Variants in DNAH2 observed in about 807,000 individuals in gnomAD.
DNAH2 encodes dynein axonemal heavy chain 2.
DNAH2 carries 323 observed loss-of-function variants against 523.5 expected under a neutral mutation model. The ratio of observed to expected loss-of-function variants is 0.62; its 90% CI spans 0.56 to 0.68. DNAH2 has a LOEUF of 0.68. Among genes scored for constraint, DNAH2 ranks in the 30% least tolerant of loss-of-function variants. DNAH2 has a pLI of 0.00. For synonymous variants in DNAH2, 2,093 were observed against 2,177.4 expected (o/e 0.96, Z 1.08); for missense variants, 4,907 against 5,701.5 (o/e 0.86, Z 4.49).
At position 7,775,359 on chromosome 17, in the gene DNAH2, G is replaced by T. The variant is rs372713791; in HGVS notation, c.4821+17G>T. 2 of 1,600,726 alleles carry T rather than the reference G, an allele frequency of 1.2e-6. No homozygotes were observed. The highest frequency in any genetic ancestry group is 2.7e-5 in the African/African-American group (2 of 74,678). On this transcript the variant is annotated intron_variant, in intron 30 of 85. Coordinates refer to ENST00000572933, the MANE Select transcript of DNAH2 (RefSeq NM_020877.5). ...CCTGTGGAGGTGAGTTGTGGTGAGG[G>T]TCTGAGGACCTAGCTGATTCTTCTT...
chr17:7,789,559 C>A (rs1034941706), intron 44 of DNAH2, among the ~76,000 whole-genome samples: 3 of 150,578 alleles, frequency 2.0e-5, no homozygotes, highest in Non-Finnish European at 2.9e-5. Context: ...AATTTCCCAC[C>A]TATAGGATTG....
intron 11 of DNAH2, among the ~76,000 whole-genome samples, chr17:7,741,293 T>TCTTTCTTTCTTTCTTTCTTTCTTTCTTC (rs1555540783): frequency 1.1e-4 from 7 of 61,586 alleles, no homozygotes; most frequent in Admixed American, 1.9e-4. Flanking sequence ...TTTCTTTCTT[T>TCTTTCTTTCTTTCTTTCTTTCTTTCTTC]CTTCCTTCCT....
At chr17:7,761,591 TCTC>T (rs1313655656) in intron 18 of DNAH2, among the ~76,000 whole-genome samples, 1 of 151,752 alleles carries the variant, frequency 6.6e-6, no homozygotes, top group East Asian at 1.9e-4. Context: ...TTCAAGCAAT[TCTC>T]CTGCCTCAGC....
chr17:7,775,390 A>G, intron 30 of DNAH2, 48 bp downstream of exon 30: 1 of 1,560,514 alleles, frequency 6.4e-7, no homozygotes. Context: ...TTCTTCCTAC[A>G]GAAAGTTCAC....
intron 28 of DNAH2, among the ~76,000 whole-genome samples, chr17:7,772,409 C>T (rs182816265): frequency 2.1e-4 from 32 of 152,190 alleles, no homozygotes; most frequent in Admixed American, 2.6e-4. Flanking sequence ...AATTATATTC[C>T]GTAACAATTT....
chr17:7,798,163 G>A lies in DNAH2; in HGVS notation c.8237G>A (p.Arg2746Gln), dbSNP rs780857148. ...LFREAIEHIT[R>Q]IVRVIGQPRG... is the part of the protein sequence containing the mutation. Reference sequence around the variant, plus strand: ...ACACCCACCCCACCCCCAGTCACACGGATCGTGCGGGTCATTGGACAGCCT... The same window carrying A: ...ACACCCACCCCACCCCCAGTCACACAGATCGTGCGGGTCATTGGACAGCCT... Residue 2746 changes from arginine to glutamine, a missense_variant, in exon 54 of 86, where the codon CGG becomes CAG. By Grantham distance (43) the Arg-to-Gln change is conservative. Around this residue, in one of 3 missense-constraint regions of DNAH2, gnomAD observed 250 missense variants for 371.3 expected, o/e 0.67. Coordinates refer to ENST00000572933, the MANE Select transcript of DNAH2 (RefSeq NM_020877.5). The surrounding 1 kb of genome is among the most constrained non-coding windows in gnomAD (Gnocchi z 5.5). 13 of 1,591,194 alleles carry A rather than the reference G, an allele frequency of 8.2e-6. No individual in the cohort carries two copies. Among genetic ancestry groups the A allele is most frequent in the Admixed American group, 1.7e-5 (1 of 59,054 alleles).
intron 3 of DNAH2, 60 bp from the exon 4 acceptor site, chr17:7,727,062 G>A (rs1213105474): frequency 9.5e-6 from 14 of 1,473,438 alleles, no homozygotes; most frequent in African/African-American, 1.5e-5. Context: ...GATTGTGGAT[G>A]GGAGGAATGA....
chr17:7,796,774 G>A, intron 50 of DNAH2, 122 bp downstream of exon 50: 1 of 1,131,404 alleles, frequency 8.8e-7, no homozygotes, highest in Non-Finnish European at 1.2e-6. Context: ...ATGCTGAAGT[G>A]CCACACTCCC....
rs573106256 is a variant in DNAH2 at position 7,817,805 on chromosome 17, C to T, written c.10185C>T (p.Ile3395=). 7.8e-5 allele frequency: 126 copies of T among 1,614,002 alleles called. 1 individual carries two copies. The highest frequency in any genetic ancestry group is 5.8e-4 in the South Asian group (53 of 91,068). Residue 3395 remains isoleucine, a synonymous_variant, in exon 67 of 86, where the codon ATC becomes ATT. Transcript: ENST00000572933. ...CCCCTTCCAGGTGGGCACTGATGAT[C>T]GACCCTCAGGCCCAGGCCCTGAAAT... The part of the protein sequence containing the change: ...VTRGNRWALM[I]DPQAQALKWI...
intron 28 of DNAH2, 54 bp downstream of exon 28, chr17:7,771,522 G>A (rs1567673006): frequency 6.2e-7 from 1 of 1,601,862 alleles, no homozygotes; most frequent in Non-Finnish European, 8.5e-7. Flanking sequence ...ACTCTGCTTG[G>A]TCATGGTTGC....
rs35763487 is a variant in DNAH2, at chr17:7,752,167, A to ACT, written c.1905-4923_1905-4922insTC. On this transcript the variant is annotated intron_variant, in intron 12 of 85. Transcript: ENST00000572933. ...TTTCCCCTTAAGTCATTTTACACAC[A>ACT]CACACACACACACACACACACACAC... 2.8e-3 allele frequency among the ~76,000 whole-genome samples: 414 copies of ACT among 148,156 alleles called. 6 individuals are homozygous for ACT. Among genetic ancestry groups the ACT allele is most frequent in the African/African-American group, 8.4e-3 (338 of 40,040 alleles).
chr17:7,733,206 G>T lies in DNAH2; in HGVS notation c.519G>T (p.Arg173=). The T allele has an allele frequency of 1.9e-6, 3 of 1,614,218 alleles. No individual in the cohort carries two copies. The highest frequency in any genetic ancestry group is 2.5e-6 in the Non-Finnish European group (3 of 1,180,034). ...GCCCCTATATCCCGGCCCTGCTTCG[G>T]CTGCTCGGTGGAGTCTTTGCCCCTC... is the stretch of plus-strand genomic sequence containing the variant. ...VRGPYIPALL[R]LLGGVFAPQI... The change falls in exon 5 of 86, where the codon CGG becomes CGT. Residue 173 remains arginine, a synonymous_variant. Transcript: ENST00000572933.
intron 18 of DNAH2, 68 bp from the exon 19 acceptor site, chr17:7,763,763 C>A (rs2076073465): frequency 1.3e-6 from 2 of 1,583,812 alleles, no homozygotes; most frequent in East Asian, 4.5e-5. Context: ...GACCTGCAGC[C>A]CGTGTGGGGA....
Position 7,817,727 on chromosome 17 carries a change from C to A in DNAH2, c.10169+18C>A. 1 of 1,614,090 alleles carries A rather than the reference C, an allele frequency of 6.2e-7. No homozygotes were observed. Among genetic ancestry groups the A allele is most frequent in the Non-Finnish European group, 8.5e-7 (1 of 1,180,006 alleles). ...GGCAACAGGTGAGGGTGCTGCTGGG[C>A]GTGGGGGCGGTACGGGAGCATGGGA... On this transcript the variant is annotated intron_variant, in intron 66 of 85. Coordinates refer to ENST00000572933, the MANE Select transcript of DNAH2 (RefSeq NM_020877.5).
Position 7,818,455 on chromosome 17 carries a change from G to A in DNAH2, c.10531G>A (p.Glu3511Lys). 6.2e-7 allele frequency: 1 copy of A among 1,614,156 alleles called. No individual in the cohort carries two copies. The highest frequency in any genetic ancestry group is 8.5e-7 in the Non-Finnish European group (1 of 1,180,010). ...KTTIVNFAVK[E>K]QGLEAQLLGI... ...CACCATCGTCAACTTTGCTGTTAAAGAACAGGTGGGTACAGGCTGAGGTCC... is the reference window on the plus strand; with the variant it reads ...CACCATCGTCAACTTTGCTGTTAAAAAACAGGTGGGTACAGGCTGAGGTCC... Residue 3511 changes from glutamate (E) to lysine (K), a missense_variant, in exon 69 of 86, where the codon GAA becomes AAA. Glu to Lys is a moderately conservative substitution (Grantham distance 56, BLOSUM62 1). Around this residue, in one of 3 missense-constraint regions of DNAH2, gnomAD observed 1,851 missense variants for 2,139.4 expected, o/e 0.87. Coordinates refer to ENST00000572933, the MANE Select transcript of DNAH2 (RefSeq NM_020877.5).
chr17:7,800,685 T>C (rs1328745461), intron 56 of DNAH2, among the ~76,000 whole-genome samples: 4 of 149,946 alleles, frequency 2.7e-5, no homozygotes, highest in African/African-American at 9.8e-5. Flanking sequence ...GCTAACACGG[T>C]GAAACCCCGT....
chr17:7,743,446 G>T (rs772817301), intron 12 of DNAH2: 1 of 671,062 alleles, frequency 1.5e-6, no homozygotes, highest in South Asian at 1.6e-5. Flanking sequence ...TGGGCGCATC[G>T]CTTGAGCCCA....
intron 12 of DNAH2, among the ~76,000 whole-genome samples, chr17:7,744,830 G>A (rs181857495): frequency 1.3e-4 from 20 of 152,214 alleles, no homozygotes; most frequent in Admixed American, 7.9e-4. Context: ...TTCTCCCATC[G>A]AGCTGGGTAC....
intron 11 of DNAH2, among the ~76,000 whole-genome samples, chr17:7,741,303 T>TCCCTCCCTCCCTCCC (rs1567625077): frequency 1.3e-5 from 1 of 76,812 alleles, no homozygotes. Context: ...TCTTCCTTCC[T>TCCCTCCCTCCCTCCC]TCCCTCCCTC....
Sources: gnomAD v4.1 joint callset for allele counts (sites outside exome capture counted in the v4.1 genomes callset) on GRCh38, gnomAD v4.1.1 for gene constraint, gnomAD v4.1.1 regional missense constraint, Gnocchi (gnomAD v3.1) non-coding constraint, MANE v1.5 for transcripts, NCBI Gene and HGNC (gene_info 2026-07-23, HGNC 2026-07-21) for gene names.